MRPL39: variants seen among roughly 807,000 people sequenced by gnomAD.
MRPL39 encodes large ribosomal subunit protein mL39.
In MRPL39, 35 loss-of-function variants were observed where a neutral mutation model predicts 44.5. The ratio of observed to expected loss-of-function variants is 0.79; its 90% CI spans 0.60 to 1.04. The LOEUF is 1.04. Ranked by LOEUF, MRPL39 falls within the 50% of genes least tolerant of loss-of-function variation. MRPL39 has a pLI of 0.00. For synonymous variants in MRPL39, 139 were observed against 136.1 expected (o/e 1.02, Z -0.15); for missense variants, 433 against 413.5 (o/e 1.05, Z -0.41).
chr21:25,607,158 G>A (rs1161689117), intron 1 of MRPL39, among the ~76,000 whole-genome samples: 1 of 152,234 alleles, frequency 6.6e-6, no homozygotes, highest in Non-Finnish European at 1.5e-5. Flanking sequence ...GCGGGCCCAA[G>A]CTCCTCCCGC....
upstream of MRPL39, chr21:25,607,606 G>A: frequency 1.1e-6 from 1 of 895,344 alleles, no homozygotes; most frequent in Non-Finnish European, 1.7e-6. Flanking sequence ...TCCACCGGGG[G>A]GCGTCAGGCC....
chr21:25,602,329 C>G (rs1367533158), intron 3 of MRPL39, among the ~76,000 whole-genome samples: 3 of 152,182 alleles, frequency 2.0e-5, no homozygotes, highest in African/African-American at 7.2e-5. Context: ...AATCAGTAAC[C>G]TTGGTCAAGC....
chr21:25,599,198 C>T (rs748742530), intron 5 of MRPL39, among the ~76,000 whole-genome samples: 19 of 152,162 alleles, frequency 1.2e-4, no homozygotes, highest in Non-Finnish European at 2.2e-4. Context: ...CAACAAGGAC[C>T]ATCCTCATTA....
intron 6 of MRPL39, among the ~76,000 whole-genome samples, chr21:25,596,074 G>C (rs1233549121): frequency 6.6e-6 from 1 of 152,176 alleles, no homozygotes; most frequent in Non-Finnish European, 1.5e-5. Flanking sequence ...TCCACTTTGG[G>C]AGACCGTTGA....
At chr21:25,607,376 C>G (rs1241787395) in intron 1 of MRPL39, 27 bp downstream of exon 1, 4 of 1,613,194 alleles carry the variant, frequency 2.5e-6, no homozygotes. Context: ...GGCCTCGCTC[C>G]CTGTCCCTAC....
chr21:25,596,034 T>C (rs1306195507), intron 6 of MRPL39, among the ~76,000 whole-genome samples: 3 of 152,204 alleles, frequency 2.0e-5, no homozygotes, highest in Non-Finnish European at 4.4e-5. Flanking sequence ...AAGTGTTTCA[T>C]GGGCAAATAT....
chr21:25,590,438 T>C (rs2031139753), intron 8 of MRPL39, among the ~76,000 whole-genome samples: 1 of 151,696 alleles, frequency 6.6e-6, no homozygotes, highest in Admixed American at 6.5e-5. Flanking sequence ...AGTTTACAAA[T>C]TTGTGTCTCA....
chr21:25,588,192 G>C (rs2031061896), intron 9 of MRPL39, among the ~76,000 whole-genome samples: 1 of 151,932 alleles, frequency 6.6e-6, no homozygotes, highest in South Asian at 2.1e-4. Context: ...GGCACCCATA[G>C]TCCCAGCTAC....
upstream of MRPL39, chr21:25,607,625 G>C: frequency 1.3e-6 from 1 of 762,474 alleles, no homozygotes; most frequent in Non-Finnish European, 2.1e-6. Flanking sequence ...CCTCGCTGGG[G>C]ATTCAGTGGC....
At chr21:25,587,670 C>T (rs1476503114) in intron 9 of MRPL39, 1 of 1,483,118 alleles carries the variant, frequency 6.7e-7, no homozygotes, top group South Asian at 1.1e-5. Flanking sequence ...CAAGCACAAA[C>T]TTATATGAAT....
chr21:25,586,658 T>G (rs1448573042), intron 9 of MRPL39, among the ~76,000 whole-genome samples: 2 of 152,238 alleles, frequency 1.3e-5, no homozygotes, highest in Non-Finnish European at 2.9e-5. Flanking sequence ...ACATGTGACC[T>G]GTACATTCAA....
intron 7 of MRPL39, 116 bp downstream of exon 7, chr21:25,593,777 G>C (rs191729609): frequency 5.3e-5 from 42 of 790,742 alleles, no homozygotes; most frequent in Admixed American, 1.1e-4. Flanking sequence ...CAAAAATAAG[G>C]TAATAAGAAC....
chr21:25,586,158 T>A (rs1038446191), intron 9 of MRPL39, among the ~76,000 whole-genome samples: 7 of 152,216 alleles, frequency 4.6e-5, no homozygotes, highest in Admixed American at 1.3e-4. Context: ...TAGATATCTC[T>A]ATGTCCCTAT....
chr21:25,603,635 A>C (rs574362792), intron 3 of MRPL39, among the ~76,000 whole-genome samples, 161 bp downstream of exon 3: 2 of 152,190 alleles, frequency 1.3e-5, no homozygotes, highest in Non-Finnish European at 2.9e-5. Context: ...TAAGTTCTGA[A>C]CTACAAAAGT....
intron 8 of MRPL39, among the ~76,000 whole-genome samples, chr21:25,591,079 C>CAA (rs55796940): frequency 2.1e-3 from 268 of 128,922 alleles, no homozygotes; most frequent in African/African-American, 5.8e-3. Context: ...CTATAGCCCA[C>CAA]AAAAAAAAAA....
At chr21:25,603,351 T>C (rs1341411128) in intron 3 of MRPL39, among the ~76,000 whole-genome samples, 2 of 152,166 alleles carry the variant, frequency 1.3e-5, no homozygotes, top group African/African-American at 4.8e-5. Context: ...TTAAGTGACA[T>C]GATCCTTGGA....
chr21:25,599,986 A>C (rs1210333961), intron 4 of MRPL39, 120 bp from the exon 5 acceptor site: 4 of 712,130 alleles, frequency 5.6e-6, no homozygotes, highest in Non-Finnish European at 9.4e-6. Context: ...AACTCTACAA[A>C]TTATAAAATG....
chr21:25,596,252 C>T (rs1009266406), intron 6 of MRPL39, among the ~76,000 whole-genome samples: 1 of 152,184 alleles, frequency 6.6e-6, no homozygotes, highest in African/African-American at 2.4e-5. Flanking sequence ...GCGCCCGCCA[C>T]CACGCCCAGC....
At chr21:25,601,295 A>C (rs572591641) in intron 4 of MRPL39, 73 bp downstream of exon 4, 2 of 895,212 alleles carry the variant, frequency 2.2e-6, no homozygotes, top group Non-Finnish European at 3.4e-6. Flanking sequence ...TATTAGTACT[A>C]AACTCTATAC....
Sources: allele counts gnomAD v4.1 joint callset (sites outside exome capture counted in the v4.1 genomes callset), GRCh38; gene constraint gnomAD v4.1.1; transcripts MANE v1.5; gene names NCBI Gene and HGNC (gene_info 2026-07-23, HGNC 2026-07-21).